The following TRIM4 variants were observed in gnomAD, a reference collection of about 807,000 sequenced individuals.
TRIM4 encodes tripartite motif containing 4.
A neutral mutation model predicts 33.7 loss-of-function variants in TRIM4; 29 were observed. That is an observed-to-expected ratio of 0.86 (90% CI 0.64 to 1.17). TRIM4 has a LOEUF of 1.17. Ranked by LOEUF, TRIM4 falls within the 50% of genes most tolerant of loss-of-function variation. The pLI is 0.00. For missense variants in TRIM4, 554 were observed against 593.7 expected (o/e 0.93, Z 0.69); for synonymous variants, 224 against 233.0 (o/e 0.96, Z 0.35).
intron 1 of TRIM4, chr7:99,916,766 T>C (rs1490687121): frequency 2.6e-6 from 2 of 781,044 alleles, no homozygotes; most frequent in East Asian, 2.4e-5. Context: ...CACGTGGATG[T>C]CAAAGTTACC....
rs1052684167 is a variant in TRIM4, at chr7:99,891,189, T to A, written c.*974A>T. On this transcript the variant is annotated 3_prime_UTR_variant, in exon 6 of 6. Coordinates refer to ENST00000349062, the MANE Select transcript of TRIM4 (RefSeq NM_033091.3). Reference sequence around the variant, plus strand: ...GAAACAAAGATCAACATCCAATAAATGCTTCTGAATAAAGGGAGAGTAGAT... The same window carrying A: ...GAAACAAAGATCAACATCCAATAAAAGCTTCTGAATAAAGGGAGAGTAGAT... 6.6e-6 allele frequency: 1 copy of A among 152,178 alleles called. No homozygotes were observed. Among genetic ancestry groups the A allele is most frequent in the Non-Finnish European group, 1.5e-5 (1 of 68,030 alleles). 9.4% of individuals were successfully genotyped at this position (152,178 alleles called of 1,614,324 possible).
At chr7:99,909,527 C>A (rs780043118) in intron 2 of TRIM4, 38 bp downstream of exon 2, 1 of 1,590,454 alleles carries the variant, frequency 6.3e-7, no homozygotes, top group South Asian at 1.1e-5. Flanking sequence ...CCAAAAGGAC[C>A]TCAGGAGCAA....
chr7:99,890,461 A>T lies in TRIM4; in HGVS notation c.*1702T>A, dbSNP rs1374330492. 6.6e-6 allele frequency: 1 copy of T among 152,256 alleles called. No homozygotes were observed. Among genetic ancestry groups the T allele is most frequent in the Non-Finnish European group, 1.5e-5 (1 of 68,050 alleles). 9.4% of individuals were successfully genotyped at this position (152,256 alleles called of 1,614,324 possible). A position where few individuals can be genotyped will look rare whatever the true frequency, so the allele number is the denominator to read the frequency against. On this transcript the variant is annotated 3_prime_UTR_variant, in exon 6 of 6. Coordinates refer to ENST00000349062, the MANE Select transcript of TRIM4 (RefSeq NM_033091.3). ...ACTATTCACAATAGCAAAGACATGG[A>T]ATCAACCTAAATGCCCATCAACAGT...
In TRIM4 at chr7:99,897,544, T is replaced by C. The variant is rs187076225; in HGVS notation, c.842-4798A>G. Among the ~76,000 whole-genome samples the C allele has an allele frequency of 8.5e-5, 13 of 152,286 alleles. No homozygotes were observed. The East Asian group carries it at 1.9e-3, about 23-fold the overall frequency. ...TATTGAAACATCACACTGTACCTCA[T>C]AAATATGTAAAATTATTATGTAGCA... is the stretch of plus-strand genomic sequence containing the variant. On this transcript the variant is annotated intron_variant, in intron 5 of 5. Transcript: ENST00000349062.
chr7:99,899,746 T>C (rs540822778), intron 5 of TRIM4, among the ~76,000 whole-genome samples: 1 of 152,174 alleles, frequency 6.6e-6, no homozygotes, highest in Non-Finnish European at 1.5e-5. Flanking sequence ...TGTCTGTGTA[T>C]GGTGGGTGGG....
chr7:99,913,583 A>G (rs1192113220), intron 1 of TRIM4, among the ~76,000 whole-genome samples: 3 of 152,106 alleles, frequency 2.0e-5, no homozygotes, highest in African/African-American at 4.8e-5. Context: ...AGGCAGGAAA[A>G]TCGCTTGAAC....
chr7:99,892,873 C>T, intron 5 of TRIM4, 127 bp from the exon 6 acceptor site: 1 of 814,636 alleles, frequency 1.2e-6, no homozygotes, highest in East Asian at 2.6e-5. Flanking sequence ...CCACTGCTGC[C>T]CAACTGATCC....
chr7:99,891,306 A>G lies in TRIM4; in HGVS notation c.*857T>C, dbSNP rs1818887799. 6.6e-6 allele frequency: 1 copy of G among 152,254 alleles called. No homozygotes were observed. The highest frequency in any genetic ancestry group is 2.4e-5 in the African/African-American group (1 of 41,460). The allele number at this position is 152,254 out of a possible 1,614,324, so 9.4% of individuals were successfully genotyped here. ...AGAGTTCAGTTTTCTCATTTGTACA[A>G]ATAGGATTTGACTTTCCATCTCACT... On this transcript the variant is annotated 3_prime_UTR_variant, in exon 6 of 6. Coordinates refer to ENST00000349062, the MANE Select transcript of TRIM4 (RefSeq NM_033091.3).
intron 1 of TRIM4, among the ~76,000 whole-genome samples, chr7:99,910,736 C>A (rs1345242231): frequency 6.6e-6 from 1 of 152,140 alleles, no homozygotes; most frequent in African/African-American, 2.4e-5. Flanking sequence ...CTACAAGTGG[C>A]ATATGCCATT....
At chr7:99,906,497 A>G (rs1026061146) in intron 3 of TRIM4, among the ~76,000 whole-genome samples, 5 of 152,108 alleles carry the variant, frequency 3.3e-5, no homozygotes, top group Non-Finnish European at 5.9e-5. Context: ...TGGCCTTAAA[A>G]TGTGTTTTAA....
chr7:99,891,619 T>G lies in TRIM4; in HGVS notation c.*544A>C, dbSNP rs913903871. On this transcript the variant is annotated 3_prime_UTR_variant, in exon 6 of 6. Transcript: ENST00000349062. ...AATGCCTGACTGGATAGAAAAAGAT[T>G]CTATGCCTTTGTCAAATTTCACAAA... 2.0e-5 allele frequency: 3 copies of G among 152,494 alleles called. No individual in the cohort carries two copies. The highest frequency in any genetic ancestry group is 7.2e-5 in the African/African-American group (3 of 41,464). 9.4% of individuals were successfully genotyped at this position (152,494 alleles called of 1,614,324 possible). A position where few individuals can be genotyped will look rare whatever the true frequency, so the allele number is the denominator to read the frequency against.
At chr7:99,896,330 G>A (rs1327545335) in intron 5 of TRIM4, among the ~76,000 whole-genome samples, 4 of 152,128 alleles carry the variant, frequency 2.6e-5, no homozygotes, top group Non-Finnish European at 5.9e-5. Flanking sequence ...CCTTTTCTAG[G>A]AAGGACATCT....
At chr7:99,916,618 C>T (rs1385650361) in intron 1 of TRIM4, 2 of 739,640 alleles carry the variant, frequency 2.7e-6, no homozygotes, top group East Asian at 4.9e-5. Context: ...TAATTGATCA[C>T]CAAGTCATTC....
rs752170396 is a variant in TRIM4, at chr7:99,909,701, A to G, written c.394-41T>C. On this transcript the variant is annotated intron_variant, in intron 1 of 5. Transcript: ENST00000349062. Reference sequence around the variant, plus strand: ...CACACAGGTAAGAAAACACATCTCCAACCATCATCATCTTCTTTTTTCTTT... The same window carrying G: ...CACACAGGTAAGAAAACACATCTCCGACCATCATCATCTTCTTTTTTCTTT... 2.2e-6 allele frequency: 3 copies of G among 1,367,882 alleles called. No individual in the cohort carries two copies. The South Asian group carries it at 3.7e-5, about 17-fold the overall frequency. The allele number at this position is 1,367,882 out of a possible 1,614,324, so 84.7% of individuals were successfully genotyped here. A position where few individuals can be genotyped will look rare whatever the true frequency, so the allele number is the denominator to read the frequency against.
At chr7:99,898,219 G>A (rs933233240) in intron 5 of TRIM4, among the ~76,000 whole-genome samples, 1 of 152,208 alleles carries the variant, frequency 6.6e-6, no homozygotes, top group African/African-American at 2.4e-5. Context: ...GCAGGTTAGT[G>A]CTACCCCAGC....
chr7:99,913,397 G>A lies in TRIM4; in HGVS notation c.394-3737C>T, dbSNP rs186450411. ...AAAAATCACTCTCTCAGCTAGGTGC[G>A]GTGGCTCACGCCTGTAATCCCAGCA... On this transcript the variant is annotated intron_variant, in intron 1 of 5. Coordinates refer to ENST00000349062, the MANE Select transcript of TRIM4 (RefSeq NM_033091.3). Among the ~76,000 whole-genome samples the A allele has an allele frequency of 8.5e-4, 130 of 152,252 alleles. 1 individual carries two copies. The highest frequency in any genetic ancestry group is 1.9e-3 in the East Asian group (10 of 5,182).
chr7:99,896,228 C>T (rs1157600632), intron 5 of TRIM4, among the ~76,000 whole-genome samples: 1 of 152,140 alleles, frequency 6.6e-6, no homozygotes, highest in East Asian at 1.9e-4. Context: ...ATAACTCAAG[C>T]ATACCCTAAC....
At chr7:99,911,032 T>C (rs994772337) in intron 1 of TRIM4, among the ~76,000 whole-genome samples, 1 of 152,118 alleles carries the variant, frequency 6.6e-6, no homozygotes, top group African/African-American at 2.4e-5. Flanking sequence ...GAGCAGTGTG[T>C]AAATGGGAGG....
chr7:99,892,844 C>T (rs982015512), intron 5 of TRIM4, 98 bp from the exon 6 acceptor site: 11 of 1,057,282 alleles, frequency 1.0e-5, no homozygotes, highest in Middle Eastern at 2.4e-4. Context: ...CTTTCTCCTC[C>T]TAACAAACAC....
Sources: allele counts gnomAD v4.1 joint callset (sites outside exome capture counted in the v4.1 genomes callset), GRCh38; gene constraint gnomAD v4.1.1; transcripts MANE v1.5; gene names NCBI Gene and HGNC (gene_info 2026-07-23, HGNC 2026-07-21).